SPTB: variants seen among roughly 807,000 people sequenced by gnomAD.
The protein encoded by SPTB is spectrin beta chain, erythrocytic.
In SPTB, 45 loss-of-function variants were observed where a neutral mutation model predicts 256.2. That is an observed-to-expected ratio of 0.18 (90% confidence interval 0.14 to 0.23). The LOEUF (loss-of-function observed/expected upper bound fraction) is 0.23, where lower values mean the gene tolerates loss of function less well. SPTB is among the 10% of genes least tolerant of loss of function. The pLI is 1.00. For synonymous variants in SPTB, 1,231 were observed against 1,243.1 expected (o/e 0.99, Z 0.21); for missense variants, 2,715 against 3,040.4 (o/e 0.89, Z 2.52).
intron 1 of SPTB, among the ~76,000 whole-genome samples, chr14:64,831,259 G>A (rs1026319350): frequency 3.9e-5 from 6 of 152,190 alleles, no homozygotes; most frequent in African/African-American, 1.2e-4. Context: ...AATCCTGGGA[G>A]AAACATGAAT....
intron 32 of SPTB, among the ~76,000 whole-genome samples, chr14:64,765,764 C>A (rs904410452): frequency 6.6e-6 from 1 of 151,660 alleles, no homozygotes; most frequent in Non-Finnish European, 1.5e-5. Context: ...ACTGAAGATG[C>A]CTGTGGTGGG....
chr14:64,802,610 T>C lies in SPTB; in HGVS notation c.475-293A>G, dbSNP rs1050151068. 1.3e-5 allele frequency among the ~76,000 whole-genome samples: 2 copies of C among 152,224 alleles called. No individual in the cohort carries two copies. The highest frequency in any genetic ancestry group is 3.9e-4 in the East Asian group (2 of 5,176). Reference sequence around the variant, plus strand: ...GCACCATCAGTACTCCATAGCTGTATTGTGGCTGTCTGTACAAACATTGAT... The same window carrying C: ...GCACCATCAGTACTCCATAGCTGTACTGTGGCTGTCTGTACAAACATTGAT... On this transcript the variant is annotated intron_variant, in intron 4 of 35. Transcript: ENST00000644917. The surrounding 1 kb of genome is among the most constrained non-coding windows in gnomAD (Gnocchi z 5.1).
At position 64,796,285 on chromosome 14, in the gene SPTB, G is replaced by C. The variant is rs229588; in HGVS notation, c.1341+272C>G. Among the ~76,000 whole-genome samples, 66,840 of 151,936 alleles carry C rather than the reference G, an allele frequency of 0.44. 16,219 individuals carry two copies. The highest frequency in any genetic ancestry group is 0.66 in the African/African-American group (27,247 of 41,414). On this transcript the variant is annotated intron_variant, in intron 11 of 35. Coordinates refer to ENST00000644917, the MANE Select transcript of SPTB (RefSeq NM_001355436.2). This position sits in a 1 kb window ranked among gnomAD's most constrained non-coding sequence, Gnocchi z 4.1. ...CAAGAACCACAATTTAACATCAACT[G>C]AAACCCCAGCTGTAGTTGACACTAC... is the stretch of plus-strand genomic sequence containing the variant.
At position 64,778,483 on chromosome 14, in the gene SPTB, C is replaced by T. The variant is rs1282862985; in HGVS notation, c.4563+674G>A. On this transcript the variant is annotated intron_variant, in intron 22 of 35. Transcript: ENST00000644917. This position sits in a 1 kb window ranked among gnomAD's most constrained non-coding sequence, Gnocchi z 5.2. The stretch of plus-strand genomic sequence containing the variant: ...CCTGGCCGCTGCGACCCCACACAGC[C>T]AGCTTCCTTACATGATTCAGGCTCC... Among the ~76,000 whole-genome samples the T allele has an allele frequency of 6.6e-6, 1 of 152,174 alleles. No homozygotes were observed. The highest frequency in any genetic ancestry group is 1.5e-5 in the Non-Finnish European group (1 of 68,026).
At chr14:64,876,529 C>T (rs1197894991) in intron 1 of SPTB, among the ~76,000 whole-genome samples, 2 of 152,200 alleles carry the variant, frequency 1.3e-5, no homozygotes, top group African/African-American at 4.8e-5. Context: ...GGTTAAAACA[C>T]GTATCTGACG....
chr14:64,786,961 G>A lies in SPTB; in HGVS notation c.3004C>T (p.Arg1002Cys), dbSNP rs146911028. 7.8e-5 allele frequency: 126 copies of A among 1,613,800 alleles called. No individual in the cohort carries two copies. The highest frequency in any genetic ancestry group is 3.1e-4 in the African/African-American group (23 of 74,918). Residue 1002 changes from arginine (R) to cysteine (C), a missense_variant, in exon 16 of 36, where the codon CGT (arginine) becomes TGT (cysteine). Transcript: ENST00000644917. This position sits in a 1 kb window ranked among gnomAD's most constrained non-coding sequence, Gnocchi z 5.6. ...AIQRKLSGLE[R>C]DVAAIQARVD... ...CGGGCCTGGATGGCGGCCACGTCAC[G>A]CTCCAGCCCTGACAACTTCCTCTGG...
Position 64,806,642 on chromosome 14 carries a change from C to T in SPTB, c.149-1552G>A, listed in dbSNP as rs1488957414. Among the ~76,000 whole-genome samples the T allele has an allele frequency of 6.6e-6, 1 of 152,194 alleles. No homozygotes were observed. Among genetic ancestry groups the T allele is most frequent in the South Asian group, 2.1e-4 (1 of 4,838 alleles). On this transcript the variant is annotated intron_variant, in intron 2 of 35. Transcript: ENST00000644917. This position sits in a 1 kb window ranked among gnomAD's most constrained non-coding sequence, Gnocchi z 4.1. Reference sequence around the variant, plus strand: ...GCTATTTTGGTATTAGGAACTCAGACCCTTGATTCTTCTGTGCACTCATTG... The same window carrying T: ...GCTATTTTGGTATTAGGAACTCAGATCCTTGATTCTTCTGTGCACTCATTG...
At chr14:64,818,551 A>T (rs2083232655) in intron 2 of SPTB, among the ~76,000 whole-genome samples, 1 of 152,170 alleles carries the variant, frequency 6.6e-6, no homozygotes, top group Admixed American at 6.5e-5. Flanking sequence ...CACTGGAGTC[A>T]CTGGAGTCTG....
At chr14:64,797,636 C>T in intron 10 of SPTB, 93 bp downstream of exon 10, 1 of 1,044,788 alleles carries the variant, frequency 9.6e-7, no homozygotes, top group Admixed American at 1.7e-5. Context: ...AAGAAAGTGG[C>T]TTGGTTTAAT....
At chr14:64,782,202 C>T (rs1039369875) in intron 20 of SPTB, 88 bp downstream of exon 20, 5 of 1,595,704 alleles carry the variant, frequency 3.1e-6, no homozygotes, top group Non-Finnish European at 4.3e-6. Flanking sequence ...CATGTACCCC[C>T]AAACCTAAAA....
At chr14:64,839,735 G>A (rs2083576135) in intron 1 of SPTB, among the ~76,000 whole-genome samples, 3 of 152,182 alleles carry the variant, frequency 2.0e-5, no homozygotes, top group African/African-American at 4.8e-5. Context: ...TAATGCAAGA[G>A]TTTTCTTGAG....
chr14:64,779,923 C>T lies in SPTB; in HGVS notation c.4275G>A (p.Glu1425=). The change falls in exon 21 of 36, where the codon GAG becomes GAA. Residue 1425 remains glutamate (E), a synonymous_variant. Transcript: ENST00000644917. This position sits in a 1 kb window ranked among gnomAD's most constrained non-coding sequence, Gnocchi z 4.2. ...CCTCTTTTCGCACATTCACTTGGTC[C>T]TCCACTCGCTGAGACACAAGGGGAC... ...NRMLAKLKRV[E]DQVNVRKEEL... The T allele has an allele frequency of 6.2e-7, 1 of 1,613,816 alleles. No individual in the cohort carries two copies. Among genetic ancestry groups the T allele is most frequent in the Non-Finnish European group, 8.5e-7 (1 of 1,179,848 alleles).
intron 28 of SPTB, 141 bp from the exon 29 acceptor site, chr14:64,769,259 G>C (rs781634709): frequency 1.1e-6 from 1 of 872,520 alleles, no homozygotes; most frequent in South Asian, 1.4e-5. Flanking sequence ...CTTGCCAGCT[G>C]TGTGGCCTGG....
Position 64,800,804 on chromosome 14 carries a change from G to A in SPTB, c.828C>T (p.Tyr276=), listed in dbSNP as rs2082869865. 6.2e-7 allele frequency: 1 copy of A among 1,614,254 alleles called. No homozygotes were observed. Among genetic ancestry groups the A allele is most frequent in the Non-Finnish European group, 8.5e-7 (1 of 1,180,052 alleles). The change falls in exon 8 of 36, where the codon TAC becomes TAT. Residue 276 remains tyrosine (Y), a synonymous_variant. Coordinates refer to ENST00000644917, the MANE Select transcript of SPTB (RefSeq NM_001355436.2). The stretch of plus-strand genomic sequence containing the variant: ...CTGCCAGCACCTTCATCTTGGAGAA[G>A]TAGTGGTAAAAGGCCACCACATAGG... ...IITYVVAFYH[Y]FSKMKVLAVE... is the part of the protein sequence containing the mutation.
At chr14:64,859,698 C>G (rs1333216890) in intron 1 of SPTB, among the ~76,000 whole-genome samples, 14 of 20,426 alleles carry the variant, frequency 6.9e-4, no homozygotes, top group Middle Eastern at 0.033. Context: ...CTCTCTGTCT[C>G]TCTCTCTCTC....
In SPTB at chr14:64,772,552, C is replaced by T. The variant is rs1417476892; in HGVS notation, c.5553+28G>A. The T allele has an allele frequency of 6.2e-6, 10 of 1,600,008 alleles. No individual in the cohort carries two copies. The highest frequency in any genetic ancestry group is 8.5e-6 in the Non-Finnish European group (10 of 1,179,624). On this transcript the variant is annotated intron_variant, in intron 26 of 35. Transcript: ENST00000644917. This position sits in a 1 kb window ranked among gnomAD's most constrained non-coding sequence, Gnocchi z 5.4. ...ACCCAGGGCTCCTGGAAATTGGTAG[C>T]AGGTGGGCGGCAGGGGGCTGAAGGT...
intron 33 of SPTB, among the ~76,000 whole-genome samples, chr14:64,753,261 A>C (rs1420960214): frequency 6.6e-6 from 1 of 152,216 alleles, no homozygotes; most frequent in Non-Finnish European, 1.5e-5. Flanking sequence ...TACTGTTCTC[A>C]TCCTCTCCTT....
chr14:64,760,669 G>T lies in SPTB; in HGVS notation c.6345+6057C>A, dbSNP rs745306703. ...TAAGAGATGAAGGACTGAGGTGGGG[G>T]ATGGAGAAAAATGAAGGGACTTAAA... is the stretch of plus-strand genomic sequence containing the variant. On this transcript the variant is annotated intron_variant, in intron 32 of 35. Coordinates refer to ENST00000644917, the MANE Select transcript of SPTB (RefSeq NM_001355436.2). This position sits in a 1 kb window ranked among gnomAD's most constrained non-coding sequence, Gnocchi z 4.3. Among the ~76,000 whole-genome samples the T allele has an allele frequency of 3.3e-5, 5 of 152,180 alleles. No individual in the cohort carries two copies. Among genetic ancestry groups the T allele is most frequent in the Non-Finnish European group, 5.9e-5 (4 of 68,028 alleles).
At chr14:64,819,748 C>T (rs1366614531) in intron 2 of SPTB, among the ~76,000 whole-genome samples, 1 of 151,968 alleles carries the variant, frequency 6.6e-6, no homozygotes, top group African/African-American at 2.4e-5. Flanking sequence ...GTACAACAGG[C>T]AAGGAAAAAG....
Sources: allele counts gnomAD v4.1 joint callset (sites outside exome capture counted in the v4.1 genomes callset), GRCh38; gene constraint gnomAD v4.1.1; non-coding constraint Gnocchi (gnomAD v3.1); transcripts MANE v1.5; gene names NCBI Gene and HGNC (gene_info 2026-07-23, HGNC 2026-07-21).